CPED1: variants seen among roughly 807,000 people sequenced by gnomAD.
The protein encoded by CPED1 is cadherin like and PC-esterase domain containing 1.
A neutral mutation model predicts 128.2 loss-of-function variants in CPED1; 114 were observed. The observed-to-expected ratio is 0.89, with a 90% CI of 0.76 to 1.04. CPED1 has a LOEUF of 1.04. CPED1 is among the 50% of genes least tolerant of loss of function. CPED1 has a pLI of 0.00. For synonymous variants in CPED1, 462 were observed against 426.7 expected (o/e 1.08, Z -1.02); for missense variants, 1,211 against 1,207.1 (o/e 1.00, Z -0.05).
intron 5 of CPED1, among the ~76,000 whole-genome samples, chr7:121,093,494 C>G (rs1794626356): frequency 6.6e-6 from 1 of 151,462 alleles, no homozygotes; most frequent in African/African-American, 2.4e-5. Context: ...TTGTATTTAC[C>G]AAGTACAGTG....
intron 3 of CPED1, among the ~76,000 whole-genome samples, chr7:121,023,903 G>A (rs1274802280): frequency 1.3e-5 from 2 of 152,120 alleles, no homozygotes; most frequent in African/African-American, 4.8e-5. Context: ...GTTTTGCCTT[G>A]CCGGTGTTTT....
Position 121,125,838 on chromosome 7 carries a change from A to G in CPED1, c.1080A>G (p.Gln360=), listed in dbSNP as rs371508980. ...KTFHRCRFCF[Q]LLTFDIGYGS... ...ATTTTAGATGCAGATTCTGCTTTCA[A>G]CTTCTAACTTTTGATATTGGTTATG... The change falls in exon 9 of 23, where the codon CAA becomes CAG. Residue 360 remains glutamine, a synonymous_variant. Coordinates refer to ENST00000310396, the MANE Select transcript of CPED1 (RefSeq NM_024913.5). The G allele has an allele frequency of 1.5e-5, 24 of 1,613,198 alleles. No individual in the cohort carries two copies. In the African/African-American group the frequency reaches 2.8e-4, roughly 19 times the overall value.
chr7:121,175,369 T>G (rs1796751383), intron 16 of CPED1, among the ~76,000 whole-genome samples: 1 of 151,996 alleles, frequency 6.6e-6, no homozygotes, highest in South Asian at 2.1e-4. Context: ...GATGGCTATC[T>G]CAAGAGATGC....
At chr7:121,188,004 TAAAC>T (rs1312102850) in intron 16 of CPED1, among the ~76,000 whole-genome samples, 1 of 152,150 alleles carries the variant, frequency 6.6e-6, no homozygotes, top group Non-Finnish European at 1.5e-5. Context: ...TTTAAAAACA[TAAAC>T]AATAAGAGTA....
intron 16 of CPED1, among the ~76,000 whole-genome samples, chr7:121,163,232 A>G (rs35789132): frequency 0.3 from 45,422 of 152,108 alleles, 7,129 homozygotes; most frequent in Middle Eastern, 0.37. Context: ...ATGTCATTTC[A>G]TCATTTCTAC....
intron 2 of CPED1, among the ~76,000 whole-genome samples, chr7:121,003,807 G>A (rs1035200747): frequency 6.6e-6 from 1 of 152,142 alleles, no homozygotes; most frequent in South Asian, 2.1e-4. Flanking sequence ...GAGAGCCAAG[G>A]TTGCATGTCA....
intron 16 of CPED1, among the ~76,000 whole-genome samples, chr7:121,198,171 T>C (rs1346319400): frequency 6.6e-6 from 1 of 152,046 alleles, no homozygotes; most frequent in Non-Finnish European, 1.5e-5. Context: ...GTTTATTGTT[T>C]AGGAAAAAAA....
chr7:121,281,794 T>G (rs1239768030), intron 22 of CPED1, among the ~76,000 whole-genome samples: 1 of 152,166 alleles, frequency 6.6e-6, no homozygotes, highest in African/African-American at 2.4e-5. Flanking sequence ...ACATGTAACT[T>G]AATCAAATGT....
intron 22 of CPED1, among the ~76,000 whole-genome samples, chr7:121,275,185 C>T (rs530160930): frequency 3.3e-5 from 5 of 152,188 alleles, no homozygotes; most frequent in Admixed American, 3.3e-4. Flanking sequence ...AAACTTGCTT[C>T]AGTGAGCTCT....
intron 18 of CPED1, among the ~76,000 whole-genome samples, chr7:121,252,252 G>C (rs1330597747): frequency 4.0e-5 from 6 of 151,792 alleles, no homozygotes; most frequent in Non-Finnish European, 8.8e-5. Flanking sequence ...GGGAAAACTG[G>C]CTAGCCATAT....
chr7:121,225,992 A>G (rs1027071391), intron 16 of CPED1, among the ~76,000 whole-genome samples: 11 of 152,142 alleles, frequency 7.2e-5, no homozygotes, highest in Non-Finnish European at 1.0e-4. Flanking sequence ...AACTCATTAA[A>G]GTCATTCTCC....
chr7:121,070,163 A>G (rs1793951200), intron 5 of CPED1, among the ~76,000 whole-genome samples: 1 of 149,642 alleles, frequency 6.7e-6, no homozygotes, highest in African/African-American at 2.4e-5. Context: ...TATAAAATAT[A>G]TCTTCAAAAT....
chr7:121,095,112 T>C (rs1794669794), intron 5 of CPED1, among the ~76,000 whole-genome samples: 1 of 152,120 alleles, frequency 6.6e-6, no homozygotes, highest in Admixed American at 6.6e-5. Context: ...GAAGACTGTG[T>C]CATACAGCCT....
intron 4 of CPED1, among the ~76,000 whole-genome samples, chr7:121,053,042 T>A (rs1169021855): frequency 6.6e-6 from 1 of 152,118 alleles, no homozygotes; most frequent in East Asian, 1.9e-4. Flanking sequence ...TTGTCATAAT[T>A]TTAGACTTAC....
At chr7:121,109,018 C>A (rs1309924524) in intron 7 of CPED1, among the ~76,000 whole-genome samples, 1 of 152,150 alleles carries the variant, frequency 6.6e-6, no homozygotes, top group Non-Finnish European at 1.5e-5. Context: ...TGTAAGACTG[C>A]ACTACTGTAC....
intron 7 of CPED1, among the ~76,000 whole-genome samples, chr7:121,122,609 A>G (rs1795417334): frequency 6.6e-6 from 1 of 152,140 alleles, no homozygotes; most frequent in South Asian, 2.1e-4. Context: ...CACAAAACCA[A>G]AGTTGAACCT....
At chr7:121,183,559 A>G (rs186964053) in intron 16 of CPED1, among the ~76,000 whole-genome samples, 1 of 152,302 alleles carries the variant, frequency 6.6e-6, no homozygotes, top group East Asian at 1.9e-4. Context: ...TCACAGATCT[A>G]ATAGACCAGG....
At position 121,130,965 on chromosome 7, in the gene CPED1, G is replaced by GT. The variant is rs1795651861; in HGVS notation, c.1577+677dup. The stretch of plus-strand genomic sequence containing the variant: ...TTAGGGAAAAGGGGCAACACCTAAG[G>GT]TTTTTTCTGCTTCTCTTTTATATGG... On this transcript the variant is annotated intron_variant, in intron 12 of 22. Coordinates refer to ENST00000310396, the MANE Select transcript of CPED1 (RefSeq NM_024913.5). Among the ~76,000 whole-genome samples the GT allele has an allele frequency of 2.6e-5, 4 of 152,064 alleles. No individual in the cohort carries two copies. The South Asian group carries it at 6.2e-4, about 24-fold the overall frequency.
chr7:121,049,023 G>A (rs933729828), intron 4 of CPED1, among the ~76,000 whole-genome samples: 1 of 152,120 alleles, frequency 6.6e-6, no homozygotes, highest in African/African-American at 2.4e-5. Flanking sequence ...ATAAAATGGT[G>A]AACTAGCCTT....
Sources: allele counts gnomAD v4.1 joint callset (sites outside exome capture counted in the v4.1 genomes callset), GRCh38; gene constraint gnomAD v4.1.1; transcripts MANE v1.5; gene names NCBI Gene and HGNC (gene_info 2026-07-23, HGNC 2026-07-21).